The following CACNA2D1 variants were observed in gnomAD, a reference collection of about 807,000 sequenced individuals.
The protein encoded by CACNA2D1 is voltage-dependent calcium channel subunit alpha-2/delta-1.
A neutral mutation model predicts 171.5 loss-of-function variants in CACNA2D1; 53 were observed. That is an observed-to-expected ratio of 0.31 (90% confidence interval 0.25 to 0.39). The LOEUF (loss-of-function observed/expected upper bound fraction) is 0.39. Among genes scored for constraint, CACNA2D1 ranks in the 10% least tolerant of loss-of-function variants. CACNA2D1 has a pLI of 1.00. For synonymous variants in CACNA2D1, 442 were observed against 443.1 expected (o/e 1.00, Z 0.03); for missense variants, 903 against 1,299.8 (o/e 0.69, Z 4.69).
chr7:82,140,866 A>G (rs1314180549), intron 4 of CACNA2D1, among the ~76,000 whole-genome samples: 1 of 149,132 alleles, frequency 6.7e-6, no homozygotes, highest in Non-Finnish European at 1.5e-5. Context: ...GAGACAGGAG[A>G]ATGGCGTGAA....
At position 82,098,984 on chromosome 7, in the gene CACNA2D1, A is replaced by G. The variant is rs187943084; in HGVS notation, c.527-14084T>C. On this transcript the variant is annotated intron_variant, in intron 6 of 38. Transcript: ENST00000356860. ...ACATGTTAAGAATAAACTCAATTTAATTTTAAACCAGTAGTTACTCTGATG... is the reference window on the plus strand; with the variant it reads ...ACATGTTAAGAATAAACTCAATTTAGTTTTAAACCAGTAGTTACTCTGATG... Among the ~76,000 whole-genome samples, 391 of 152,348 alleles carry G rather than the reference A, an allele frequency of 2.6e-3. 1 individual carries two copies. Among genetic ancestry groups the G allele is most frequent in the African/African-American group, 8.5e-3 (353 of 41,584 alleles).
chr7:82,439,917 A>T (rs769267413), intron 1 of CACNA2D1, among the ~76,000 whole-genome samples: 4 of 151,998 alleles, frequency 2.6e-5, no homozygotes, highest in Non-Finnish European at 5.9e-5. Context: ...GTAAAATGTA[A>T]ACAGAAACTG....
At chr7:82,288,901 T>C (rs1463118614) in intron 3 of CACNA2D1, among the ~76,000 whole-genome samples, 2 of 152,128 alleles carry the variant, frequency 1.3e-5, no homozygotes, top group East Asian at 1.9e-4. Flanking sequence ...ATGACAGTCA[T>C]AGATCTCAAA....
intron 21 of CACNA2D1, among the ~76,000 whole-genome samples, chr7:81,986,285 A>C (rs1796958114): frequency 6.6e-6 from 1 of 152,156 alleles, no homozygotes; most frequent in African/African-American, 2.4e-5. Flanking sequence ...TAGCTAGCTC[A>C]AATTTTAGTA....
chr7:82,208,190 G>GT (rs1179357431), intron 3 of CACNA2D1, among the ~76,000 whole-genome samples: 3 of 151,972 alleles, frequency 2.0e-5, no homozygotes, highest in Non-Finnish European at 2.9e-5. Context: ...CCTTAAAATT[G>GT]TTTTTTACCT....
intron 6 of CACNA2D1, among the ~76,000 whole-genome samples, chr7:82,114,670 T>A (rs1788826099): frequency 6.6e-6 from 1 of 151,136 alleles, no homozygotes; most frequent in South Asian, 2.1e-4. Flanking sequence ...GCAGGATAAT[T>A]GCTTGAAGCT....
chr7:82,436,284 T>C (rs1830112648), intron 1 of CACNA2D1, among the ~76,000 whole-genome samples: 1 of 152,200 alleles, frequency 6.6e-6, no homozygotes, highest in Admixed American at 6.5e-5. Flanking sequence ...GTTTTAAGTA[T>C]ACTACCTAGA....
At chr7:82,182,813 G>A (rs1797279273) in intron 3 of CACNA2D1, among the ~76,000 whole-genome samples, 2 of 151,906 alleles carry the variant, frequency 1.3e-5, no homozygotes, top group South Asian at 2.1e-4. Context: ...TGAGGAGGGC[G>A]GATCACGAAG....
At chr7:82,172,784 T>TA (rs767526951) in intron 3 of CACNA2D1, among the ~76,000 whole-genome samples, 4,822 of 135,408 alleles carry the variant, frequency 0.036, 104 homozygotes, top group Middle Eastern at 0.065. Context: ...TTCCCCCATT[T>TA]AAAAAAAAAA....
chr7:82,217,937 A>ATT (rs1184425936), intron 3 of CACNA2D1, among the ~76,000 whole-genome samples: 1 of 143,696 alleles, frequency 7.0e-6, no homozygotes. Context: ...TTATTTATTT[A>ATT]TATTTTTATT....
chr7:82,269,892 C>G (rs1249310973), intron 3 of CACNA2D1, among the ~76,000 whole-genome samples: 1 of 152,128 alleles, frequency 6.6e-6, no homozygotes, highest in Non-Finnish European at 1.5e-5. Context: ...ACAGTCAACA[C>G]AAACTTTACT....
At chr7:82,038,827 G>A (rs1803619909) in intron 10 of CACNA2D1, among the ~76,000 whole-genome samples, 1 of 152,150 alleles carries the variant, frequency 6.6e-6, no homozygotes, top group South Asian at 2.1e-4. Flanking sequence ...AACCTTGGAG[G>A]CAAGGTGATG....
At chr7:82,059,671 A>G (rs1435312653) in intron 10 of CACNA2D1, among the ~76,000 whole-genome samples, 1 of 152,022 alleles carries the variant, frequency 6.6e-6, no homozygotes, top group Non-Finnish European at 1.5e-5. Flanking sequence ...TTAGAAACTC[A>G]AAAAGGCTCC....
At chr7:81,955,774 C>T (rs971262916) in intron 38 of CACNA2D1, among the ~76,000 whole-genome samples, 4 of 151,090 alleles carry the variant, frequency 2.6e-5, no homozygotes, top group African/African-American at 9.7e-5. Flanking sequence ...TTTATGCAAA[C>T]ACAATTTATA....
chr7:82,281,446 ATG>A (rs1312103411), intron 3 of CACNA2D1, among the ~76,000 whole-genome samples: 2 of 152,198 alleles, frequency 1.3e-5, no homozygotes, highest in Admixed American at 1.3e-4. Flanking sequence ...ACACAAGACA[ATG>A]TGGACATATA....
chr7:82,194,712 C>T (rs12113993), intron 3 of CACNA2D1, among the ~76,000 whole-genome samples: 17,213 of 151,758 alleles, frequency 0.11, 1,421 homozygotes, highest in African/African-American at 0.23. Context: ...GCAGTAACAA[C>T]AATGTCTGGC....
intron 3 of CACNA2D1, among the ~76,000 whole-genome samples, chr7:82,230,295 T>C (rs1802794954): frequency 6.6e-6 from 1 of 152,222 alleles, no homozygotes; most frequent in Non-Finnish European, 1.5e-5. Context: ...ATTTGGTGTC[T>C]AGTTTCTTTC....
At chr7:82,129,345 TATATCTGATAC>T (rs1299233237) in intron 5 of CACNA2D1, among the ~76,000 whole-genome samples, 10 of 152,218 alleles carry the variant, frequency 6.6e-5, no homozygotes, top group Non-Finnish European at 8.8e-5. Flanking sequence ...CCTTGATGAT[TATATCTGATAC>T]ATGTGCTTTG....
chr7:82,346,160 T>A (rs537043032), intron 2 of CACNA2D1, among the ~76,000 whole-genome samples: 11 of 152,302 alleles, frequency 7.2e-5, no homozygotes, highest in Non-Finnish European at 1.3e-4. Flanking sequence ...CACCCAGGCA[T>A]GGAAGCCCCA....
Sources: gnomAD v4.1 joint callset for allele counts (sites outside exome capture counted in the v4.1 genomes callset) on GRCh38, gnomAD v4.1.1 for gene constraint, MANE v1.5 for transcripts, NCBI Gene and HGNC (gene_info 2026-07-23, HGNC 2026-07-21) for gene names.